The following FIG4 variants were observed in gnomAD, a reference collection of about 807,000 sequenced individuals.
FIG4 encodes the protein polyphosphoinositide phosphatase.
In FIG4, 112 loss-of-function variants were observed where a neutral mutation model predicts 118.6. That is an observed-to-expected ratio of 0.94 (90% CI 0.81 to 1.11). The LOEUF (loss-of-function observed/expected upper bound fraction) is 1.11. Among genes scored for constraint, FIG4 ranks in the 50% least tolerant of loss-of-function variants. The pLI is 0.00. For synonymous variants in FIG4, 369 were observed against 381.2 expected (o/e 0.97, Z 0.37); for missense variants, 969 against 1,111.7 (o/e 0.87, Z 1.83).
intron 10 of FIG4, among the ~76,000 whole-genome samples, chr6:109,755,895 G>A (rs572322628): frequency 1.3e-5 from 2 of 152,048 alleles, no homozygotes; most frequent in Non-Finnish European, 2.9e-5. Context: ...TATCCAATTT[G>A]CCAGTCTGTG....
chr6:109,760,403 C>T lies in FIG4; in HGVS notation c.1271+20C>T. Reference sequence around the variant, plus strand: ...CAAAAGGTGAATGATACTCATCTGTCTGGCTATGATCGTTTCCTTTTCTTG... The same window carrying T: ...CAAAAGGTGAATGATACTCATCTGTTTGGCTATGATCGTTTCCTTTTCTTG... On this transcript the variant is annotated intron_variant, in intron 11 of 22. Coordinates refer to ENST00000230124, the MANE Select transcript of FIG4 (RefSeq NM_014845.6). 6.2e-7 allele frequency: 1 copy of T among 1,604,032 alleles called. No homozygotes were observed. Among genetic ancestry groups the T allele is most frequent in the Non-Finnish European group, 8.5e-7 (1 of 1,171,380 alleles).
chr6:109,783,924 A>G lies in FIG4; in HGVS notation c.1890-1046A>G, dbSNP rs549134637. 1.2e-3 allele frequency among the ~76,000 whole-genome samples: 190 copies of G among 152,334 alleles called. 1 individual carries two copies. Among genetic ancestry groups the G allele is most frequent in the Non-Finnish European group, 1.8e-3 (121 of 68,030 alleles). On this transcript the variant is annotated intron_variant, in intron 16 of 22. Coordinates refer to ENST00000230124, the MANE Select transcript of FIG4 (RefSeq NM_014845.6). Reference sequence around the variant, plus strand: ...AACAGTGATTTGCCCCACACAATTCATTAGGCTTCATATTCCTTTTTTCAT... The same window carrying G: ...AACAGTGATTTGCCCCACACAATTCGTTAGGCTTCATATTCCTTTTTTCAT...
At chr6:109,768,928 C>A (rs1777364246) in intron 15 of FIG4, among the ~76,000 whole-genome samples, 1 of 152,086 alleles carries the variant, frequency 6.6e-6, no homozygotes, top group African/African-American at 2.4e-5. Flanking sequence ...CAGGGCCATG[C>A]TCCCTCTGAA....
intron 20 of FIG4, among the ~76,000 whole-genome samples, chr6:109,792,111 AGAAGTT>A (rs1778152691): frequency 6.6e-6 from 1 of 152,262 alleles, no homozygotes; most frequent in Non-Finnish European, 1.5e-5. Context: ...TCCATGTTCC[AGAAGTT>A]GGCAAACTAT....
At chr6:109,790,744 G>A (rs1486305750) in intron 19 of FIG4, among the ~76,000 whole-genome samples, 2 of 152,134 alleles carry the variant, frequency 1.3e-5, no homozygotes, top group Non-Finnish European at 2.9e-5. Context: ...TTAAAAAACA[G>A]CATTCTTACT....
At chr6:109,739,204 G>T (rs1776249452) in intron 7 of FIG4, among the ~76,000 whole-genome samples, 3 of 151,500 alleles carry the variant, frequency 2.0e-5, no homozygotes, top group Admixed American at 1.3e-4. Context: ...AAGAGAAGTA[G>T]GTTCAGCTTT....
chr6:109,706,673 T>G (rs1775076222), intron 1 of FIG4, among the ~76,000 whole-genome samples: 1 of 152,200 alleles, frequency 6.6e-6, no homozygotes, highest in African/African-American at 2.4e-5. Context: ...TAACACTTAT[T>G]GAGTGTCTTT....
chr6:109,705,544 A>C (rs915345716), intron 1 of FIG4, among the ~76,000 whole-genome samples: 1 of 152,170 alleles, frequency 6.6e-6, no homozygotes, highest in African/African-American at 2.4e-5. Context: ...CTATTTCCAG[A>C]TTCTGTGGGT....
intron 6 of FIG4, 127 bp downstream of exon 6, chr6:109,735,425 T>A: frequency 1.1e-6 from 1 of 877,518 alleles, no homozygotes; most frequent in Non-Finnish European, 1.9e-6. Flanking sequence ...CGTGGGGTTG[T>A]TTTGGATATG....
intron 10 of FIG4, among the ~76,000 whole-genome samples, chr6:109,754,108 T>C (rs1317385463): frequency 2.0e-5 from 3 of 152,222 alleles, no homozygotes; most frequent in Non-Finnish European, 4.4e-5. Context: ...TTTTGAGATA[T>C]GTCCCATCAA....
chr6:109,735,449 T>C, intron 6 of FIG4, 151 bp downstream of exon 6: 1 of 714,486 alleles, frequency 1.4e-6, no homozygotes, highest in Non-Finnish European at 2.4e-6. Context: ...AGTTGATCAA[T>C]TCATTTTTAT....
At chr6:109,729,973 A>G (rs560158815) in intron 4 of FIG4, among the ~76,000 whole-genome samples, 22 of 152,250 alleles carry the variant, frequency 1.4e-4, no homozygotes, top group South Asian at 1.2e-3. Flanking sequence ...AAATCTCTAC[A>G]TAATTGGAGA....
chr6:109,783,300 A>G (rs1777858407), intron 16 of FIG4, among the ~76,000 whole-genome samples: 1 of 152,160 alleles, frequency 6.6e-6, no homozygotes, highest in Non-Finnish European at 1.5e-5. Flanking sequence ...TAAATAAATA[A>G]ATTCTGCTAA....
chr6:109,754,740 A>G (rs1377386883), intron 10 of FIG4, among the ~76,000 whole-genome samples: 1 of 152,112 alleles, frequency 6.6e-6, no homozygotes, highest in Admixed American at 6.5e-5. Context: ...AGGTGTTTGT[A>G]GTATTCTCTG....
rs2128402659 is a variant in FIG4, at chr6:109,825,123, A to G, written c.2582A>G (p.Tyr861Cys). Residue 861 changes from tyrosine to cysteine, a missense_variant, in exon 23 of 23, where the codon TAT becomes TGT. Around this residue, in one of 3 missense-constraint regions of FIG4, gnomAD observed 330 missense variants for 348.1 expected, o/e 0.95. Transcript: ENST00000230124. ...TCGGCTTTCTCGCAAGATAACATCT[A>G]TGAAGTTCAGCCCCCAAGAGTAGAC... ...PISAFSQDNI[Y>C]EVQPPRVDRK... 1 of 1,614,094 alleles carries G rather than the reference A, an allele frequency of 6.2e-7. No homozygotes were observed. Among genetic ancestry groups the G allele is most frequent in the Non-Finnish European group, 8.5e-7 (1 of 1,179,938 alleles).
intron 4 of FIG4, among the ~76,000 whole-genome samples, chr6:109,729,434 G>T (rs1044963114): frequency 6.6e-6 from 1 of 152,134 alleles, no homozygotes; most frequent in African/African-American, 2.4e-5. Flanking sequence ...AGAGGTATCT[G>T]CCGTCACTAC....
chr6:109,769,890 G>A (rs1777406831), intron 15 of FIG4, among the ~76,000 whole-genome samples: 1 of 152,156 alleles, frequency 6.6e-6, no homozygotes, highest in Admixed American at 6.5e-5. Context: ...TTGTACTCTA[G>A]CCTGGGTGAC....
At chr6:109,725,841 AATG>A (rs1583653377) in intron 3 of FIG4, among the ~76,000 whole-genome samples, 3 of 152,274 alleles carry the variant, frequency 2.0e-5, no homozygotes, top group East Asian at 1.9e-4. Context: ...GCATTTCTTT[AATG>A]ATAAGTGATG....
At chr6:109,697,945 A>G (rs1774781604) in intron 1 of FIG4, among the ~76,000 whole-genome samples, 1 of 150,888 alleles carries the variant, frequency 6.6e-6, no homozygotes, top group Non-Finnish European at 1.5e-5. Context: ...CTGGAGTGCA[A>G]TGGCACGATC....
Sources: gnomAD v4.1 joint callset for allele counts (sites outside exome capture counted in the v4.1 genomes callset) on GRCh38, gnomAD v4.1.1 for gene constraint, gnomAD v4.1.1 regional missense constraint, MANE v1.5 for transcripts, NCBI Gene and HGNC (gene_info 2026-07-23, HGNC 2026-07-21) for gene names.